Variants in TOPBP1 observed in about 807,000 individuals in gnomAD.
The protein encoded by TOPBP1 is DNA topoisomerase 2-binding protein 1.
In TOPBP1, 28 loss-of-function variants were observed where a neutral mutation model predicts 167.7. The ratio of observed to expected loss-of-function variants is 0.17; its 90% confidence interval spans 0.12 to 0.23. TOPBP1 has a LOEUF of 0.23. TOPBP1 is among the 10% of genes least tolerant of loss of function. TOPBP1 has a pLI of 1.00. For synonymous variants in TOPBP1, 598 were observed against 611.4 expected, an observed-to-expected ratio of 0.98 and a Z score of 0.32; for missense variants, 1,554 against 1,809.6, an observed-to-expected ratio of 0.86 and a Z score of 2.56.
At position 133,638,127 on chromosome 3, in the gene TOPBP1, T is replaced by C. The variant is rs1345603794; in HGVS notation, c.2269A>G (p.Asn757Asp). The part of the protein sequence containing the change: ...SLETEITNGI[N>D]LNSDTAEHPG... ...TGCTCTGCAGTATCTGAATTTAGAT[T>C]GATTCCATTTGTTATTTCTGTTTCC... is the stretch of plus-strand genomic sequence containing the variant. Residue 757 changes from asparagine to aspartate, a missense_variant, in exon 14 of 28, where the codon AAT (asparagine) becomes GAT (aspartate). By Grantham distance (23) the Asn-to-Asp change is conservative (BLOSUM62 1). Transcript: ENST00000260810. 4 of 1,613,902 alleles carry C rather than the reference T, an allele frequency of 2.5e-6. No individual in the cohort carries two copies. The Admixed American group carries it at 6.7e-5, about 27-fold the overall frequency.
At position 133,618,400 on chromosome 3, in the gene TOPBP1, T is replaced by C; in HGVS notation, c.3405A>G (p.Thr1135=). The stretch of plus-strand genomic sequence containing the variant: ...TGATCTGTTCATTTTGGGAAGGCTC[T>C]GTGTTGACATCAGGTACTGTCTGAC... ...QSRQTVPDVN[T]EPSQNEQIIW... The change falls in exon 21 of 28, where the codon ACA becomes ACG. Residue 1135 remains threonine, a synonymous_variant. Transcript: ENST00000260810. 1 of 1,613,960 alleles carries C rather than the reference T, an allele frequency of 6.2e-7. No individual in the cohort carries two copies. Among genetic ancestry groups the C allele is most frequent in the Non-Finnish European group, 8.5e-7 (1 of 1,179,846 alleles).
chr3:133,653,761 C>T lies in TOPBP1; in HGVS notation c.743-237G>A, dbSNP rs563817721. On this transcript the variant is annotated intron_variant, in intron 6 of 27. Coordinates refer to ENST00000260810, the MANE Select transcript of TOPBP1 (RefSeq NM_007027.4). ...TCTCCTGCCTCAGCCTCCTGAATAG[C>T]TAGGATTACAGACGTGTGCCACCAT... is the stretch of plus-strand genomic sequence containing the variant. Among the ~76,000 whole-genome samples, 14 of 151,910 alleles carry T rather than the reference C, an allele frequency of 9.2e-5. No individual in the cohort carries two copies. The East Asian group carries it at 1.9e-3, about 21-fold the overall frequency.
chr3:133,607,621 G>A (rs1014254240), intron 27 of TOPBP1, among the ~76,000 whole-genome samples: 9 of 152,078 alleles, frequency 5.9e-5, no homozygotes, highest in Non-Finnish European at 7.4e-5. Context: ...CTCAAGGGAA[G>A]TGCTTATTGG....
rs751249992 is a variant in TOPBP1 at position 133,601,238 on chromosome 3, G to C, written c.*12C>G. On this transcript the variant is annotated 3_prime_UTR_variant, in exon 28 of 28. Transcript: ENST00000260810. ...AAACATTTAATGTTTGGTAACTAAA[G>C]GGTAGATGCGATTAGTGTACTCTAG... 1 of 1,587,444 alleles carries C rather than the reference G, an allele frequency of 6.3e-7. No homozygotes were observed. Among genetic ancestry groups the C allele is most frequent in the Non-Finnish European group, 8.5e-7 (1 of 1,172,048 alleles).
At chr3:133,648,947 T>C (rs1159727247) in intron 10 of TOPBP1, among the ~76,000 whole-genome samples, 1 of 152,140 alleles carries the variant, frequency 6.6e-6, no homozygotes, top group Non-Finnish European at 1.5e-5. Flanking sequence ...AGGCTTTTTT[T>C]TAATAAAAAA....
At chr3:133,657,447 T>C (rs1354079670) in intron 4 of TOPBP1, among the ~76,000 whole-genome samples, 1 of 151,350 alleles carries the variant, frequency 6.6e-6, no homozygotes, top group Non-Finnish European at 1.5e-5. Flanking sequence ...AGTGGCGTGA[T>C]GTTGGCTCAC....
chr3:133,615,752 T>G (rs995722320), intron 23 of TOPBP1, among the ~76,000 whole-genome samples: 1 of 152,216 alleles, frequency 6.6e-6, no homozygotes, highest in African/African-American at 2.4e-5. Flanking sequence ...AATATATGTT[T>G]AAAGTTCATT....
At chr3:133,615,354 G>A (rs1339296901) in intron 23 of TOPBP1, among the ~76,000 whole-genome samples, 1 of 152,136 alleles carries the variant, frequency 6.6e-6, no homozygotes, top group Non-Finnish European at 1.5e-5. Context: ...GCGCACACCT[G>A]TAATCCCAGT....
chr3:133,644,465 A>G (rs938700808), intron 10 of TOPBP1, 102 bp from the exon 11 acceptor site: 6 of 1,149,818 alleles, frequency 5.2e-6, no homozygotes, highest in Non-Finnish European at 7.2e-6. Context: ...AATTTTGACC[A>G]TACTTACAAA....
chr3:133,659,175 T>C (rs762060957), intron 2 of TOPBP1, 25 bp from the exon 3 acceptor site: 2 of 1,530,542 alleles, frequency 1.3e-6, no homozygotes, highest in Non-Finnish European at 1.8e-6. Context: ...AAAATAAGAA[T>C]GTACCTGAAA....
chr3:133,625,180 G>A (rs1228898653), intron 16 of TOPBP1, among the ~76,000 whole-genome samples: 1 of 152,166 alleles, frequency 6.6e-6, no homozygotes. Flanking sequence ...TTGGGCAGTG[G>A]TCTCGAACTC....
chr3:133,622,149 C>A (rs140050884), intron 19 of TOPBP1, among the ~76,000 whole-genome samples: 1 of 148,098 alleles, frequency 6.8e-6, no homozygotes, highest in East Asian at 2.0e-4. Context: ...AAAAGATCAG[C>A]GTATGAAATA....
chr3:133,652,740 T>A, intron 7 of TOPBP1, 111 bp from the exon 8 acceptor site: 1 of 876,630 alleles, frequency 1.1e-6, no homozygotes, highest in Non-Finnish European at 1.7e-6. Context: ...ACTTCCAAAG[T>A]AAGATTCAGG....
chr3:133,624,034 G>T lies in TOPBP1; in HGVS notation c.2928+18C>A, dbSNP rs756303811. ...ATTTTCAATTAACAGAGATGGGGGG[G>T]AAAAAAGCACTGCTTACATCTAAAA... On this transcript the variant is annotated intron_variant, in intron 17 of 27. Coordinates refer to ENST00000260810, the MANE Select transcript of TOPBP1 (RefSeq NM_007027.4). 1.2e-6 allele frequency: 2 copies of T among 1,604,060 alleles called. No individual in the cohort carries two copies. The highest frequency in any genetic ancestry group is 2.2e-5 in the South Asian group (2 of 88,932).
intron 27 of TOPBP1, among the ~76,000 whole-genome samples, chr3:133,601,614 G>A (rs1934302457): frequency 6.6e-6 from 1 of 152,182 alleles, no homozygotes; most frequent in South Asian, 2.1e-4. Flanking sequence ...TTCAGGTAGA[G>A]TGGGACTAGC....
intron 8 of TOPBP1, 90 bp downstream of exon 8, chr3:133,652,373 A>G: frequency 2.8e-6 from 4 of 1,407,440 alleles, no homozygotes; most frequent in Non-Finnish European, 3.9e-6. Context: ...GATAGTAAGG[A>G]GCAAGCCCAA....
At chr3:133,653,645 T>G in intron 6 of TOPBP1, 121 bp from the exon 7 acceptor site, 1 of 748,556 alleles carries the variant, frequency 1.3e-6, no homozygotes, top group Non-Finnish European at 1.9e-6. Context: ...TTTTTTTTTT[T>G]GAGATGGAGT....
chr3:133,649,646 C>A lies in TOPBP1; in HGVS notation c.1254-13G>T, dbSNP rs1936214168. The A allele has an allele frequency of 6.2e-7, 1 of 1,612,044 alleles. No individual in the cohort carries two copies. Among genetic ancestry groups the A allele is most frequent in the Non-Finnish European group, 8.5e-7 (1 of 1,179,050 alleles). On this transcript the variant is annotated splice_polypyrimidine_tract_variant and intron_variant, in intron 9 of 27. Coordinates refer to ENST00000260810, the MANE Select transcript of TOPBP1 (RefSeq NM_007027.4). ...CACTACATGAGGCCTACAAAAATAGCACATAGTTATGTATTAGTGCAAGCT... is the reference window on the plus strand; with the variant it reads ...CACTACATGAGGCCTACAAAAATAGAACATAGTTATGTATTAGTGCAAGCT...
chr3:133,641,201 C>T (rs1935880162), intron 12 of TOPBP1, among the ~76,000 whole-genome samples: 1 of 152,060 alleles, frequency 6.6e-6, no homozygotes, highest in Non-Finnish European at 1.5e-5. Flanking sequence ...TTAATGAATC[C>T]TATTTATTGA....
Sources: gnomAD v4.1 joint callset for allele counts (sites outside exome capture counted in the v4.1 genomes callset) on GRCh38, gnomAD v4.1.1 for gene constraint, MANE v1.5 for transcripts, NCBI Gene and HGNC (gene_info 2026-07-23, HGNC 2026-07-21) for gene names.